TMEM268: variants seen among roughly 807,000 people sequenced by gnomAD.
TMEM268 encodes the protein transmembrane protein C9orf91.
In TMEM268, 24 loss-of-function variants were observed where a neutral mutation model predicts 39.1. That is an observed-to-expected ratio of 0.61 (90% confidence interval 0.44 to 0.86). The LOEUF (loss-of-function observed/expected upper bound fraction) is 0.86, where lower values mean the gene tolerates loss of function less well. Among genes scored for constraint, TMEM268 ranks in the 40% least tolerant of loss-of-function variants. The probability of loss-of-function intolerance (pLI) is 0.00; values close to 1 mark genes in which losing one functional copy is unlikely to be tolerated. For missense variants in TMEM268, 409 were observed against 428.6 expected, an observed-to-expected ratio of 0.95 and a Z score of 0.40; for synonymous variants, 176 against 173.5, an observed-to-expected ratio of 1.01 and a Z score of -0.12.
In TMEM268 at chr9:114,633,855, G is replaced by A; in HGVS notation, c.562G>A (p.Glu188Lys). ...RVLLGVTDTV[E>K]GCQSVIQLWF... is the part of the protein sequence containing the mutation. ...GCTGCTGGGGGTGACAGACACAGTG[G>A]AAGGATGCCAGAGTGTGATTCAGGT... The change falls in exon 6 of 9, where the codon GAA (glutamate) becomes AAA (lysine). Residue 188 changes from glutamate (E) to lysine (K), a missense_variant. Glu to Lys is a moderately conservative substitution (Grantham distance 56). Coordinates refer to ENST00000288502, the MANE Select transcript of TMEM268 (RefSeq NM_153045.4). The A allele has an allele frequency of 6.2e-7, 1 of 1,601,332 alleles. No homozygotes were observed. Among genetic ancestry groups the A allele is most frequent in the Non-Finnish European group, 8.5e-7 (1 of 1,174,126 alleles).
chr9:114,641,639 A>C (rs767819587), intron 8 of TMEM268, among the ~76,000 whole-genome samples: 1 of 151,944 alleles, frequency 6.6e-6, no homozygotes, highest in Non-Finnish European at 1.5e-5. Flanking sequence ...GTAAGATCAC[A>C]TGTCTTTTTT....
intron 4 of TMEM268, among the ~76,000 whole-genome samples, chr9:114,627,517 C>T (rs919740738): frequency 2.6e-5 from 4 of 152,130 alleles, no homozygotes; most frequent in East Asian, 1.9e-4. Context: ...CTGGTTTCAG[C>T]GTCTGTGCTT....
chr9:114,617,346 C>A (rs1845767973), intron 2 of TMEM268, 45 bp downstream of exon 2: 1 of 1,421,550 alleles, frequency 7.0e-7, no homozygotes. Context: ...CTACCTCATG[C>A]TGAACTGGAC....
At chr9:114,634,005 G>GCCAA in intron 6 of TMEM268, 127 bp downstream of exon 6, 1 of 499,362 alleles carries the variant, frequency 2.0e-6, no homozygotes, top group Non-Finnish European at 3.5e-6. Context: ...ATGGCTGTTG[G>GCCAA]CAGCCCTTTC....
intron 2 of TMEM268, among the ~76,000 whole-genome samples, chr9:114,623,274 A>C (rs571584206): frequency 3.5e-4 from 53 of 152,160 alleles, no homozygotes; most frequent in African/African-American, 1.2e-3. Context: ...CAGCCTCCCC[A>C]GTAGCTGGGA....
Position 114,638,456 on chromosome 9 carries a change from G to T in TMEM268, c.667-88G>T, listed in dbSNP as rs542553995. 1.7e-5 allele frequency: 17 copies of T among 1,002,196 alleles called. No homozygotes were observed. In the Admixed American group the frequency reaches 2.3e-4, roughly 14 times the overall value. The allele number at this position is 1,002,196 out of a possible 1,614,324, so 62.1% of individuals were successfully genotyped here. A position where few individuals can be genotyped will look rare whatever the true frequency, so the allele number is the denominator to read the frequency against. On this transcript the variant is annotated intron_variant, in intron 7 of 8. Transcript: ENST00000288502. ...ATCTGAGTCTGAGACCTCATCTTCT[G>T]CTCGGTCTGCAGCTTGGGGAGGGAC...
intron 6 of TMEM268, among the ~76,000 whole-genome samples, chr9:114,635,186 T>TA (rs998382719): frequency 2.0e-5 from 3 of 150,624 alleles, no homozygotes; most frequent in African/African-American, 4.9e-5. Context: ...ACTAAAAATA[T>TA]AAAAAAATTA....
intron 6 of TMEM268, among the ~76,000 whole-genome samples, chr9:114,635,169 C>G (rs1330315615): frequency 6.6e-6 from 1 of 150,994 alleles, no homozygotes; most frequent in South Asian, 2.1e-4. Context: ...GGTGAAACCC[C>G]GTCTCTACTA....
At chr9:114,613,123 G>A (rs1845569429) in intron 1 of TMEM268, among the ~76,000 whole-genome samples, 4 of 152,228 alleles carry the variant, frequency 2.6e-5, no homozygotes. Flanking sequence ...TTACACAGGT[G>A]AGAAGCGGCA....
At chr9:114,620,456 C>T (rs145569900) in intron 2 of TMEM268, among the ~76,000 whole-genome samples, 1 of 152,054 alleles carries the variant, frequency 6.6e-6, no homozygotes, top group Non-Finnish European at 1.5e-5. Flanking sequence ...ACCATGTTGC[C>T]CGGGTTGATC....
the TMEM268 span, among the ~76,000 whole-genome samples, chr9:114,603,939 T>C: frequency 6.6e-6 from 1 of 152,082 alleles, no homozygotes; most frequent in Non-Finnish European, 1.5e-5. Context: ...TGAGCCACCA[T>C]GCCCTGCCTG....
chr9:114,643,405 G>A lies in TMEM268; in HGVS notation c.*92G>A. On this transcript the variant is annotated 3_prime_UTR_variant, in exon 9 of 9. Coordinates refer to ENST00000288502, the MANE Select transcript of TMEM268 (RefSeq NM_153045.4). ...TGGCCAATGGGGAGCCCCAGGTGAG[G>A]AGAGAAGCATCTGGGGGCACTCCAA... 8.4e-7 allele frequency: 1 copy of A among 1,194,024 alleles called. No homozygotes were observed. The highest frequency in any genetic ancestry group is 1.2e-6 in the Non-Finnish European group (1 of 827,462). 74.0% of individuals were successfully genotyped at this position (1,194,024 alleles called of 1,614,324 possible). A position where few individuals can be genotyped will look rare whatever the true frequency, so the allele number is the denominator to read the frequency against.
At chr9:114,609,738 G>GAAAAAGAAAAA (rs1564279426), upstream of TMEM268, among the ~76,000 whole-genome samples, 8 of 79,374 alleles carry the variant, frequency 1.0e-4, no homozygotes, top group African/African-American at 4.0e-4. Flanking sequence ...AAAGAAGGAA[G>GAAAAAGAAAAA]GAAGGAAAGA....
intron 5 of TMEM268, among the ~76,000 whole-genome samples, chr9:114,632,508 C>T (rs188071806): frequency 6.6e-6 from 1 of 152,302 alleles, no homozygotes; most frequent in East Asian, 1.9e-4. Flanking sequence ...GTCCTCTTGT[C>T]CCTCCTCTTC....
rs139354502 is a variant in TMEM268 at position 114,617,107 on chromosome 9, G to A, written c.-78-11G>A. On this transcript the variant is annotated splice_polypyrimidine_tract_variant and intron_variant, in intron 1 of 8. Transcript: ENST00000288502. ...CAGGCCTGAAGTTCTTTTTTGTGCTGTTTTCTGAAGGCATATGATGCTGAG... is the reference window on the plus strand; with the variant it reads ...CAGGCCTGAAGTTCTTTTTTGTGCTATTTTCTGAAGGCATATGATGCTGAG... The A allele has an allele frequency of 1.7e-3, 1,455 of 862,632 alleles. 27 individuals carry two copies. The African/African-American group carries it at 0.022, about 13-fold the overall frequency. The allele number at this position is 862,632 out of a possible 1,614,324, so 53.4% of individuals were successfully genotyped here.
intron 3 of TMEM268, among the ~76,000 whole-genome samples, chr9:114,625,623 A>G (rs570462892): frequency 1.3e-5 from 2 of 151,350 alleles, no homozygotes; most frequent in Admixed American, 1.3e-4. Context: ...TGTATTTTTT[A>G]GTAGAGACGG....
chr9:114,631,521 T>C (rs936812492), intron 5 of TMEM268, among the ~76,000 whole-genome samples: 1 of 152,216 alleles, frequency 6.6e-6, no homozygotes, highest in African/African-American at 2.4e-5. Flanking sequence ...TCATCCTTAT[T>C]ATACTCCTCT....
intron 2 of TMEM268, chr9:114,622,594 C>T: frequency 1.3e-5 from 10 of 796,396 alleles, no homozygotes; most frequent in Non-Finnish European, 1.5e-5. Flanking sequence ...GGTCTGGCTT[C>T]ATCCTACCCT....
chr9:114,643,407 GA>G lies in TMEM268; in HGVS notation c.*95del. On this transcript the variant is annotated 3_prime_UTR_variant, in exon 9 of 9. Transcript: ENST00000288502. ...GCCAATGGGGAGCCCCAGGTGAGGA[GA>G]GAAGCATCTGGGGGCACTCCAAAAG... 1 of 1,170,230 alleles carries G rather than the reference GA, an allele frequency of 8.5e-7. No homozygotes were observed. The highest frequency in any genetic ancestry group is 1.2e-6 in the Non-Finnish European group (1 of 807,180). The allele number at this position is 1,170,230 out of a possible 1,614,324, so 72.5% of individuals were successfully genotyped here. A position where few individuals can be genotyped will look rare whatever the true frequency, so the allele number is the denominator to read the frequency against.
Sources: gnomAD v4.1 joint callset for allele counts (sites outside exome capture counted in the v4.1 genomes callset) on GRCh38, gnomAD v4.1.1 for gene constraint, MANE v1.5 for transcripts, NCBI Gene and HGNC (gene_info 2026-07-23, HGNC 2026-07-21) for gene names.